TMEM179: variants seen among roughly 807,000 people sequenced by gnomAD.
TMEM179 encodes the protein transmembrane protein 179.
A neutral mutation model predicts 22.2 loss-of-function variants in TMEM179; 17 were observed. That is an observed-to-expected ratio of 0.77 (90% confidence interval 0.52 to 1.15). The LOEUF (loss-of-function observed/expected upper bound fraction) is 1.15, where lower values mean the gene tolerates loss of function less well. Among genes scored for constraint, TMEM179 ranks in the 50% most tolerant of loss-of-function variants. TMEM179 has a pLI of 0.00. For missense variants in TMEM179, 265 were observed against 313.6 expected, an observed-to-expected ratio of 0.84 and a Z score of 1.17; for synonymous variants, 127 against 140.5, an observed-to-expected ratio of 0.90 and a Z score of 0.68.
At chr14:104,602,174 G>C (rs1183571151) in intron 1 of TMEM179, among the ~76,000 whole-genome samples, 1 of 152,214 alleles carries the variant, frequency 6.6e-6, no homozygotes, top group East Asian at 1.9e-4. Flanking sequence ...GCATCCCTGG[G>C]CCTGCCGCCC....
Position 104,593,105 on chromosome 14 carries a change from G to A in TMEM179, c.*374C>T. The A allele has an allele frequency of 3.5e-6, 1 of 287,462 alleles. No homozygotes were observed. Among genetic ancestry groups the A allele is most frequent in the Admixed American group, 4.8e-5 (1 of 20,674 alleles). The allele number at this position is 287,462 out of a possible 1,614,324, so 17.8% of individuals were successfully genotyped here. A position where few individuals can be genotyped will look rare whatever the true frequency, so the allele number is the denominator to read the frequency against. On this transcript the variant is annotated 3_prime_UTR_variant, in exon 4 of 4. Coordinates refer to ENST00000556573, the MANE Select transcript of TMEM179 (RefSeq NM_001286389.2). Reference sequence around the variant, plus strand: ...GTGACATCTGGCCACCCCTGGGCCAGCTGGCATGGAGACAGCATCCGGCCA... The same window carrying A: ...GTGACATCTGGCCACCCCTGGGCCAACTGGCATGGAGACAGCATCCGGCCA...
In TMEM179 at chr14:104,595,185, C is replaced by T. The variant is rs1343248254; in HGVS notation, c.502G>A (p.Asp168Asn). ...ELGVDNSAFY[D>N]QFAIAQFGLW... The stretch of plus-strand genomic sequence containing the variant: ...CCTACCTGGGCAATTGCAAACTGAT[C>T]GTAGAAGGCGGAGTTGTCCACGCCC... The change falls in exon 3 of 4, where the codon GAT becomes AAT. Residue 168 changes from aspartate (D) to asparagine (N), a missense_variant. Coordinates refer to ENST00000556573, the MANE Select transcript of TMEM179 (RefSeq NM_001286389.2). The surrounding 1 kb of genome is among the most constrained non-coding windows in gnomAD (Gnocchi z 5.7). The T allele has an allele frequency of 1.3e-5, 21 of 1,613,648 alleles. No homozygotes were observed. The highest frequency in any genetic ancestry group is 2.2e-5 in the East Asian group (1 of 44,894).
chr14:104,598,716 C>T (rs1329966617), intron 1 of TMEM179, among the ~76,000 whole-genome samples: 3 of 152,240 alleles, frequency 2.0e-5, no homozygotes, highest in Non-Finnish European at 4.4e-5. Flanking sequence ...CATCTGGTGC[C>T]TCCAAGGAGC....
At position 104,591,549 on chromosome 14, in the gene TMEM179, G is replaced by A. The variant is rs1333806693; in HGVS notation, c.*1930C>T. On this transcript the variant is annotated 3_prime_UTR_variant, in exon 4 of 4. Transcript: ENST00000556573. ...TGGCTGCCAGCTGGAAACTCAGCTG[G>A]TCCCCAAGGCCAGAGCCCCCTTGAG... 2.6e-6 allele frequency: 1 copy of A among 389,762 alleles called. No homozygotes were observed. 24.1% of individuals were successfully genotyped at this position (389,762 alleles called of 1,614,324 possible). A position where few individuals can be genotyped will look rare whatever the true frequency, so the allele number is the denominator to read the frequency against.
chr14:104,596,972 C>A lies in TMEM179; in HGVS notation c.443+18G>T, dbSNP rs373548447. ...CCGGGGAGGTGGGCGGAGGCCGAGG[C>A]GGGTGGGGCGGGCGCACCTGTGGGG... is the stretch of plus-strand genomic sequence containing the variant. On this transcript the variant is annotated intron_variant, in intron 2 of 3. Coordinates refer to ENST00000556573, the MANE Select transcript of TMEM179 (RefSeq NM_001286389.2). The A allele has an allele frequency of 2.8e-6, 4 of 1,404,346 alleles. No homozygotes were observed. Among genetic ancestry groups the A allele is most frequent in the Admixed American group, 1.9e-5 (1 of 53,696 alleles). The allele number at this position is 1,404,346 out of a possible 1,614,324, so 87.0% of individuals were successfully genotyped here.
intron 1 of TMEM179, among the ~76,000 whole-genome samples, chr14:104,599,227 T>C (rs1887155866): frequency 6.7e-6 from 1 of 150,134 alleles, no homozygotes; most frequent in South Asian, 2.1e-4. Flanking sequence ...TCAGAGTGCG[T>C]CTCCTTCTCC....
In TMEM179 at chr14:104,595,608, C is replaced by T. The variant is rs1427268026; in HGVS notation, c.444-365G>A. ...ACCCAGGACGGCCGGAAGACGCCAG[C>T]TCAGCCTCTGCTTTTCTGGACCCTC... is the stretch of plus-strand genomic sequence containing the variant. On this transcript the variant is annotated intron_variant, in intron 2 of 3. Transcript: ENST00000556573. The surrounding 1 kb of genome is among the most constrained non-coding windows in gnomAD (Gnocchi z 5.7). 6.6e-6 allele frequency among the ~76,000 whole-genome samples: 1 copy of T among 152,170 alleles called. No individual in the cohort carries two copies. The highest frequency in any genetic ancestry group is 1.5e-5 in the Non-Finnish European group (1 of 68,010).
rs976246376 is a variant in TMEM179, at chr14:104,591,683, G to A, written c.*1796C>T. 1 of 312,658 alleles carries A rather than the reference G, an allele frequency of 3.2e-6. No individual in the cohort carries two copies. The highest frequency in any genetic ancestry group is 2.3e-5 in the African/African-American group (1 of 44,048). The allele number at this position is 312,658 out of a possible 1,614,324, so 19.4% of individuals were successfully genotyped here. ...CACCAGGACCCTCCATGTGGACCCA[G>A]GCACGTGGCCTCCAGGAGGCTGGTG... On this transcript the variant is annotated 3_prime_UTR_variant, in exon 4 of 4. Coordinates refer to ENST00000556573, the MANE Select transcript of TMEM179 (RefSeq NM_001286389.2).
rs1227172635 is a variant in TMEM179, at chr14:104,595,377, T to TG, written c.444-135dup. Reference sequence around the variant, plus strand: ...GAGGGGGTGGGCAGCAGGGAGTCTCTGGGGACATCACGGAGGGTTAGCCTC... The same window carrying TG: ...GAGGGGGTGGGCAGCAGGGAGTCTCTGGGGGACATCACGGAGGGTTAGCCTC... On this transcript the variant is annotated intron_variant, in intron 2 of 3. Transcript: ENST00000556573. The surrounding 1 kb of genome is among the most constrained non-coding windows in gnomAD (Gnocchi z 5.7). 1 of 827,824 alleles carries TG rather than the reference T, an allele frequency of 1.2e-6. No homozygotes were observed. The highest frequency in any genetic ancestry group is 1.9e-6 in the Non-Finnish European group (1 of 530,492). 51.3% of individuals were successfully genotyped at this position (827,824 alleles called of 1,614,324 possible). A position where few individuals can be genotyped will look rare whatever the true frequency, so the allele number is the denominator to read the frequency against.
Position 104,604,407 on chromosome 14 carries a change from G to T in TMEM179, c.305+30C>A. 1 of 1,475,126 alleles carries T rather than the reference G, an allele frequency of 6.8e-7. No homozygotes were observed. Among genetic ancestry groups the T allele is most frequent in the Non-Finnish European group, 8.9e-7 (1 of 1,120,482 alleles). The allele number at this position is 1,475,126 out of a possible 1,614,324, so 91.4% of individuals were successfully genotyped here. Reference sequence around the variant, plus strand: ...CTGGGGGCGCTGGGGGCATGGAAGGGGCGCCGCGCCGGGAGCGGCCCCCAC... The same window carrying T: ...CTGGGGGCGCTGGGGGCATGGAAGGTGCGCCGCGCCGGGAGCGGCCCCCAC... On this transcript the variant is annotated intron_variant, in intron 1 of 3. Coordinates refer to ENST00000556573, the MANE Select transcript of TMEM179 (RefSeq NM_001286389.2). The surrounding 1 kb of genome is among the most constrained non-coding windows in gnomAD (Gnocchi z 4.6).
intron 1 of TMEM179, among the ~76,000 whole-genome samples, chr14:104,602,278 CT>C (rs1374802495): frequency 1.3e-5 from 2 of 152,204 alleles, no homozygotes; most frequent in Admixed American, 1.3e-4. Flanking sequence ...CCCCCAGCTT[CT>C]GGTGGAACCC....
intron 3 of TMEM179, chr14:104,594,932 TCTAA>T: frequency 1.1e-5 from 15 of 1,368,168 alleles, no homozygotes; most frequent in Non-Finnish European, 1.4e-5. Context: ...ACTTCCTGAT[TCTAA>T]CTCACTGTGG....
chr14:104,602,571 C>A (rs1449600689), intron 1 of TMEM179, among the ~76,000 whole-genome samples: 1 of 152,256 alleles, frequency 6.6e-6, no homozygotes, highest in Non-Finnish European at 1.5e-5. Context: ...GCCTGCCCTG[C>A]ATGCACAGCA....
In TMEM179 at chr14:104,604,225, C is replaced by G. The variant is rs768038337; in HGVS notation, c.305+212G>C. Reference sequence around the variant, plus strand: ...CGCAGCTGGGGAGGGGAGGCACTGGCCTTGTACGCAGGACCGGTGGTCGTC... The same window carrying G: ...CGCAGCTGGGGAGGGGAGGCACTGGGCTTGTACGCAGGACCGGTGGTCGTC... On this transcript the variant is annotated intron_variant, in intron 1 of 3. Transcript: ENST00000556573. This position sits in a 1 kb window ranked among gnomAD's most constrained non-coding sequence, Gnocchi z 4.6. 9.5e-4 allele frequency among the ~76,000 whole-genome samples: 144 copies of G among 152,274 alleles called. No individual in the cohort carries two copies. Among genetic ancestry groups the G allele is most frequent in the African/African-American group, 2.4e-3 (98 of 41,558 alleles).
chr14:104,593,802 A>C, intron 3 of TMEM179, 144 bp from the exon 4 acceptor site: 1 of 963,976 alleles, frequency 1.0e-6, no homozygotes, highest in Non-Finnish European at 1.4e-6. Context: ...GGGCAGGGCC[A>C]GCTCCTGAAG....
Position 104,597,252 on chromosome 14 carries a change from C to T in TMEM179, c.306-125G>A, listed in dbSNP as rs1887062096. 2 of 1,299,190 alleles carry T rather than the reference C, an allele frequency of 1.5e-6. No homozygotes were observed. Among genetic ancestry groups the T allele is most frequent in the South Asian group, 1.5e-5 (1 of 68,288 alleles). The allele number at this position is 1,299,190 out of a possible 1,614,324, so 80.5% of individuals were successfully genotyped here. A position where few individuals can be genotyped will look rare whatever the true frequency, so the allele number is the denominator to read the frequency against. On this transcript the variant is annotated intron_variant, in intron 1 of 3. Coordinates refer to ENST00000556573, the MANE Select transcript of TMEM179 (RefSeq NM_001286389.2). The surrounding 1 kb of genome is among the most constrained non-coding windows in gnomAD (Gnocchi z 4.8). ...GACGCCATCTCCTGGGCAACCCCCA[C>T]CAGCAGCACCCCCCGGACCCTCAGG...
At position 104,601,691 on chromosome 14, in the gene TMEM179, G is replaced by GA. The variant is rs144564793; in HGVS notation, c.305+2745dup. On this transcript the variant is annotated intron_variant, in intron 1 of 3. Transcript: ENST00000556573. The stretch of plus-strand genomic sequence containing the variant: ...AGGACACAGGCACCAGATGTCCCTG[G>GA]AAAAGAGCAGGCTGGGCGGAGGTCA... Among the ~76,000 whole-genome samples the GA allele has an allele frequency of 8.4e-3, 1,282 of 152,312 alleles. 17 individuals are homozygous for GA. Among genetic ancestry groups the GA allele is most frequent in the African/African-American group, 0.029 (1,224 of 41,548 alleles).
chr14:104,595,303 C>G lies in TMEM179; in HGVS notation c.444-60G>C. On this transcript the variant is annotated intron_variant, in intron 2 of 3. Transcript: ENST00000556573. The surrounding 1 kb of genome is among the most constrained non-coding windows in gnomAD (Gnocchi z 5.7). ...CCAGGACAGCCAGTGCGGGACATGG[C>G]TGAGCCGCTGGCCAGAGAGCCAGGA... The G allele has an allele frequency of 6.6e-7, 1 of 1,526,122 alleles. No homozygotes were observed. Among genetic ancestry groups the G allele is most frequent in the Non-Finnish European group, 8.9e-7 (1 of 1,118,884 alleles). The allele number at this position is 1,526,122 out of a possible 1,614,324, so 94.5% of individuals were successfully genotyped here. A position where few individuals can be genotyped will look rare whatever the true frequency, so the allele number is the denominator to read the frequency against.
rs908702611 is a variant in TMEM179, at chr14:104,594,068, C to G, written c.523-410G>C. ...CCTCCAACCACCGGAATAAATTGAC[C>G]TTTAGCCGCTGTTTCCAAACAGTTG... On this transcript the variant is annotated intron_variant, in intron 3 of 3. Coordinates refer to ENST00000556573, the MANE Select transcript of TMEM179 (RefSeq NM_001286389.2). The G allele has an allele frequency of 7.3e-6, 9 of 1,232,826 alleles. No individual in the cohort carries two copies. In the African/African-American group the frequency reaches 1.1e-4, roughly 15 times the overall value. The allele number at this position is 1,232,826 out of a possible 1,614,324, so 76.4% of individuals were successfully genotyped here. A position where few individuals can be genotyped will look rare whatever the true frequency, so the allele number is the denominator to read the frequency against.
Sources: gnomAD v4.1 joint callset for allele counts (sites outside exome capture counted in the v4.1 genomes callset) on GRCh38, gnomAD v4.1.1 for gene constraint, Gnocchi (gnomAD v3.1) non-coding constraint, MANE v1.5 for transcripts, NCBI Gene and HGNC (gene_info 2026-07-23, HGNC 2026-07-21) for gene names.